Variants in PSD3 observed in about 807,000 individuals in gnomAD.
The protein encoded by PSD3 is pleckstrin and Sec7 domain containing 3, also known as PH and SEC7 domain-containing protein 3.
PSD3 carries 49 observed loss-of-function variants against 105.5 expected under a neutral mutation model. The ratio of observed to expected loss-of-function variants is 0.46; its 90% CI spans 0.37 to 0.59. The LOEUF (loss-of-function observed/expected upper bound fraction) is 0.59, where lower values mean the gene tolerates loss of function less well. Ranked by LOEUF, PSD3 falls within the 20% of genes least tolerant of loss-of-function variation. The probability of loss-of-function intolerance (pLI) is 0.00; values close to 1 mark genes in which losing one functional copy is unlikely to be tolerated. For synonymous variants in PSD3, 557 were observed against 457.8 expected (o/e 1.22, Z -2.77); for missense variants, 1,561 against 1,263.8 (o/e 1.24, Z -3.57).
intron 1 of PSD3, among the ~76,000 whole-genome samples, chr8:19,064,600 G>A (rs73668925): frequency 0.052 from 7,966 of 152,192 alleles, 673 homozygotes; most frequent in African/African-American, 0.18. Flanking sequence ...CTGCTCAGCA[G>A]ATTAATCTTC....
At chr8:19,059,849 C>T (rs558755317) in intron 1 of PSD3, among the ~76,000 whole-genome samples, 32 of 152,214 alleles carry the variant, frequency 2.1e-4, no homozygotes, top group Non-Finnish European at 4.1e-4. Flanking sequence ...TGCCCAGCCT[C>T]CTCTCCAGGG....
chr8:18,769,068 C>G (rs13256470), intron 8 of PSD3, among the ~76,000 whole-genome samples: 95,975 of 151,802 alleles, frequency 0.63, 30,846 homozygotes, highest in Non-Finnish European at 0.7. Context: ...TCCTTTCCAA[C>G]TGTATCAGGT....
At chr8:19,079,452 G>C (rs904895397) in intron 1 of PSD3, among the ~76,000 whole-genome samples, 11 of 152,216 alleles carry the variant, frequency 7.2e-5, no homozygotes, top group Non-Finnish European at 1.5e-4. Context: ...AATTCTAAAT[G>C]ACTCACCAAG....
rs751988965 is a variant in PSD3 at position 18,867,997 on chromosome 8, G to A, written c.1311C>T (p.Ser437=). 3 of 1,614,026 alleles carry A rather than the reference G, an allele frequency of 1.9e-6. No homozygotes were observed. The African/African-American group carries it at 4.0e-5, about 22-fold the overall frequency. ...CAAACTGGGAGCTGTACACGTCGGT[G>A]GAGTCCTCCGTATATCCAGGCCCAA... The part of the protein sequence containing the change: ...DILGPGYTED[S]TDVYSSQFET... Residue 437 remains serine, a synonymous_variant, in exon 4 of 16, where the codon TCC becomes TCT. Coordinates refer to ENST00000327040, the MANE Select transcript of PSD3 (RefSeq NM_015310.4).
At chr8:18,754,229 C>T (rs1805836199) in intron 9 of PSD3, among the ~76,000 whole-genome samples, 1 of 151,974 alleles carries the variant, frequency 6.6e-6, no homozygotes. Flanking sequence ...ACTAAAAATA[C>T]AAAAATTAGG....
At chr8:18,710,955 T>A (rs1484032930) in intron 9 of PSD3, among the ~76,000 whole-genome samples, 1 of 152,058 alleles carries the variant, frequency 6.6e-6, no homozygotes, top group Non-Finnish European at 1.5e-5. Flanking sequence ...AGTTCTGGGA[T>A]TACAGGCATG....
intron 8 of PSD3, among the ~76,000 whole-genome samples, chr8:18,798,347 T>G (rs1252410792): frequency 6.6e-6 from 1 of 152,154 alleles, no homozygotes; most frequent in African/African-American, 2.4e-5. Context: ...ATGTTAAAAT[T>G]AGGATTCTAT....
chr8:18,613,669 G>A (rs565297149), intron 11 of PSD3, among the ~76,000 whole-genome samples: 2 of 152,064 alleles, frequency 1.3e-5, no homozygotes, highest in Non-Finnish European at 2.9e-5. Context: ...CTTCAGTTAG[G>A]TCTCTGCTCA....
intron 11 of PSD3, among the ~76,000 whole-genome samples, chr8:18,624,698 T>G (rs1806355985): frequency 6.9e-6 from 1 of 145,970 alleles, no homozygotes; most frequent in Admixed American, 6.8e-5. Flanking sequence ...AAAAAAAGAA[T>G]AAAAGAAAAA....
chr8:18,954,780 A>T (rs918816282), intron 1 of PSD3, among the ~76,000 whole-genome samples: 4 of 152,192 alleles, frequency 2.6e-5, no homozygotes, highest in African/African-American at 9.7e-5. Flanking sequence ...AAGATTCTGT[A>T]TCCCTGCCAA....
intron 10 of PSD3, among the ~76,000 whole-genome samples, chr8:18,646,262 T>C (rs1255748245): frequency 1.3e-5 from 2 of 152,138 alleles, no homozygotes; most frequent in Admixed American, 1.3e-4. Context: ...AATAACTTTT[T>C]CGAGCAAGAA....
At chr8:19,035,099 G>T (rs1212863441) in intron 1 of PSD3, among the ~76,000 whole-genome samples, 1 of 152,134 alleles carries the variant, frequency 6.6e-6, no homozygotes, top group Non-Finnish European at 1.5e-5. Flanking sequence ...AATCTTTTCT[G>T]AGTAACAAAT....
intron 9 of PSD3, among the ~76,000 whole-genome samples, chr8:18,690,691 A>C (rs1460142259): frequency 2.0e-5 from 3 of 152,194 alleles, no homozygotes; most frequent in Non-Finnish European, 4.4e-5. Context: ...CCGCTTTCCT[A>C]AACGGGACTC....
intron 11 of PSD3, 144 bp downstream of exon 11, chr8:18,632,469 G>A: frequency 1.4e-5 from 12 of 843,336 alleles, no homozygotes; most frequent in Non-Finnish European, 3.6e-6. Flanking sequence ...TTTTAATTTA[G>A]GGTTAGAGGC....
At chr8:18,773,806 T>C (rs1302356051) in intron 8 of PSD3, among the ~76,000 whole-genome samples, 1 of 152,206 alleles carries the variant, frequency 6.6e-6, no homozygotes, top group Non-Finnish European at 1.5e-5. Flanking sequence ...GAACTTGGAT[T>C]TTCACAGTGA....
intron 2 of PSD3, among the ~76,000 whole-genome samples, chr8:18,885,851 C>G (rs73666744): frequency 6.6e-6 from 1 of 152,322 alleles, no homozygotes; most frequent in African/African-American, 2.4e-5. Context: ...AGGAAAAACA[C>G]ATCCTTGTGT....
chr8:18,856,277 T>C (rs1458682021), intron 4 of PSD3, among the ~76,000 whole-genome samples: 1 of 152,170 alleles, frequency 6.6e-6, no homozygotes, highest in Non-Finnish European at 1.5e-5. Flanking sequence ...CTAGAGTTAT[T>C]TCTGAAGTTA....
At chr8:18,545,335 GGC>G (rs1357274774) in intron 15 of PSD3, among the ~76,000 whole-genome samples, 4 of 152,076 alleles carry the variant, frequency 2.6e-5, no homozygotes, top group Non-Finnish European at 5.9e-5. Context: ...CCACCCACAA[GGC>G]CTCTGGCTCT....
At chr8:18,640,736 G>A (rs145050807) in intron 10 of PSD3, among the ~76,000 whole-genome samples, 44 of 152,282 alleles carry the variant, frequency 2.9e-4, no homozygotes, top group African/African-American at 9.9e-4. Flanking sequence ...AAGACTGGAG[G>A]GAAGATGGCA....
Sources: gnomAD v4.1 joint callset for allele counts (sites outside exome capture counted in the v4.1 genomes callset) on GRCh38, gnomAD v4.1.1 for gene constraint, MANE v1.5 for transcripts, NCBI Gene and HGNC (gene_info 2026-07-23, HGNC 2026-07-21) for gene names.